CALCR: variants seen among roughly 807,000 people sequenced by gnomAD.
The protein encoded by CALCR is calcitonin receptor.
Under a neutral mutation model 59.5 loss-of-function variants are expected in CALCR, and 47 were observed. That is an observed-to-expected ratio of 0.79 (90% confidence interval 0.63 to 1.01). CALCR has a LOEUF of 1.01. Among genes scored for constraint, CALCR ranks in the 50% least tolerant of loss-of-function variants. CALCR has a pLI of 0.00. For missense variants in CALCR, 566 were observed against 597.1 expected, an observed-to-expected ratio of 0.95 and a Z score of 0.54; for synonymous variants, 213 against 211.3, an observed-to-expected ratio of 1.01 and a Z score of -0.07.
chr7:93,473,785 C>A (rs1800607852), intron 5 of CALCR, among the ~76,000 whole-genome samples: 1 of 151,564 alleles, frequency 6.6e-6, no homozygotes, highest in Non-Finnish European at 1.5e-5. Flanking sequence ...TTTCCAAGTG[C>A]TTGCTTTGTG....
intron 3 of CALCR, among the ~76,000 whole-genome samples, chr7:93,480,432 C>T (rs1039164003): frequency 2.0e-5 from 3 of 151,686 alleles, no homozygotes; most frequent in African/African-American, 7.3e-5. Flanking sequence ...ACTGACTTTC[C>T]TTTTTCTAAA....
chr7:93,449,326 G>A (rs1005635896), intron 8 of CALCR, among the ~76,000 whole-genome samples: 2 of 151,994 alleles, frequency 1.3e-5, no homozygotes, highest in East Asian at 3.9e-4. Context: ...TTACCTGAAG[G>A]AAAAGACATT....
chr7:93,571,869 C>T (rs905585280), intron 2 of CALCR, among the ~76,000 whole-genome samples: 9 of 152,022 alleles, frequency 5.9e-5, no homozygotes, highest in South Asian at 2.1e-4. Flanking sequence ...TCATTGGCAC[C>T]GGGTATATGG....
chr7:93,491,408 G>T (rs139238596), intron 2 of CALCR, among the ~76,000 whole-genome samples: 1,968 of 152,128 alleles, frequency 0.013, 46 homozygotes, highest in African/African-American at 0.044. Flanking sequence ...TGACAAATGG[G>T]ATCTAACTAA....
At chr7:93,560,909 T>C (rs1000555070) in intron 2 of CALCR, among the ~76,000 whole-genome samples, 4 of 152,200 alleles carry the variant, frequency 2.6e-5, no homozygotes, top group African/African-American at 9.6e-5. Flanking sequence ...ATCTGAGTTG[T>C]AGTTTTCTCA....
chr7:93,430,046 C>G (rs2282998), intron 13 of CALCR, among the ~76,000 whole-genome samples: 1 of 151,610 alleles, frequency 6.6e-6, no homozygotes, highest in South Asian at 2.1e-4. Flanking sequence ...ATTCTTCTGC[C>G]TCAGCCTCCC....
intron 7 of CALCR, among the ~76,000 whole-genome samples, chr7:93,465,013 C>T (rs1405295713): frequency 1.3e-5 from 2 of 151,834 alleles, no homozygotes; most frequent in South Asian, 2.1e-4. Flanking sequence ...GCCAATGTAA[C>T]GTAATGTAGA....
At chr7:93,556,469 A>G (rs1054304695) in intron 2 of CALCR, among the ~76,000 whole-genome samples, 1 of 152,052 alleles carries the variant, frequency 6.6e-6, no homozygotes, top group Non-Finnish European at 1.5e-5. Flanking sequence ...AAATTATGAA[A>G]TCTAAACTGG....
chr7:93,495,192 A>C (rs1442414518), intron 2 of CALCR, among the ~76,000 whole-genome samples: 2 of 151,396 alleles, frequency 1.3e-5, no homozygotes, highest in Admixed American at 6.6e-5. Context: ...TTGGAATGGA[A>C]ATAGGTGATA....
intron 2 of CALCR, among the ~76,000 whole-genome samples, chr7:93,542,414 G>A (rs1396355953): frequency 1.3e-5 from 2 of 152,130 alleles, no homozygotes; most frequent in African/African-American, 4.8e-5. Context: ...CCTGTGTAGG[G>A]CACTTATAAA....
chr7:93,559,747 T>G (rs1789700997), intron 2 of CALCR: 1 of 152,036 alleles, frequency 6.6e-6, no homozygotes, highest in African/African-American at 2.4e-5. Context: ...GCAAAAGAGA[T>G]TCTAAACATT....
At chr7:93,518,868 C>T (rs901484424) in intron 2 of CALCR, among the ~76,000 whole-genome samples, 16 of 149,746 alleles carry the variant, frequency 1.1e-4, no homozygotes, top group African/African-American at 3.7e-4. Context: ...CATACATTTA[C>T]ATTTACCAAG....
chr7:93,545,918 C>T (rs1375508485), intron 2 of CALCR, among the ~76,000 whole-genome samples: 1 of 151,878 alleles, frequency 6.6e-6, no homozygotes. Flanking sequence ...AAAGTAGGGG[C>T]TAAACAAGTG....
Position 93,500,983 on chromosome 7 carries a change from T to A in CALCR, c.-26-13976A>T, listed in dbSNP as rs1364836005. 2.0e-5 allele frequency among the ~76,000 whole-genome samples: 3 copies of A among 152,070 alleles called. No homozygotes were observed. In the East Asian group the frequency reaches 5.8e-4, roughly 29 times the overall value. ...CCATTTTCCTGAAATTTGAGTGCCC[T>A]TGGAAATTATCCTTTCTTCACAGCT... On this transcript the variant is annotated intron_variant, in intron 2 of 13. Transcript: ENST00000426151.
At chr7:93,507,227 G>A (rs1179635160) in intron 2 of CALCR, among the ~76,000 whole-genome samples, 2 of 130,062 alleles carry the variant, frequency 1.5e-5, no homozygotes, top group Non-Finnish European at 3.2e-5. Context: ...ATACTTCCTT[G>A]TTGAACACAC....
intron 2 of CALCR, among the ~76,000 whole-genome samples, chr7:93,573,088 G>A (rs936937882): frequency 3.3e-5 from 5 of 152,042 alleles, no homozygotes; most frequent in African/African-American, 1.2e-4. Context: ...AATCATCTTA[G>A]TTTCTCTCAT....
At chr7:93,477,109 C>A (rs1268261711) in intron 5 of CALCR, among the ~76,000 whole-genome samples, 1 of 151,836 alleles carries the variant, frequency 6.6e-6, no homozygotes, top group Non-Finnish European at 1.5e-5. Flanking sequence ...AGCCACTTAA[C>A]CCCTGTAGGC....
At chr7:93,477,506 A>G in intron 5 of CALCR, 52 bp downstream of exon 5, 1 of 1,283,728 alleles carries the variant, frequency 7.8e-7, no homozygotes, top group Non-Finnish European at 1.1e-6. Flanking sequence ...CAAAACCATG[A>G]AAACTCTAAA....
intron 2 of CALCR, among the ~76,000 whole-genome samples, chr7:93,527,806 T>A (rs1226479142): frequency 1.3e-5 from 2 of 152,172 alleles, no homozygotes; most frequent in Non-Finnish European, 2.9e-5. Context: ...AATTCTGTGC[T>A]CCATTATGTA....
Sources: allele counts gnomAD v4.1 joint callset (sites outside exome capture counted in the v4.1 genomes callset), GRCh38; gene constraint gnomAD v4.1.1; transcripts MANE v1.5; gene names NCBI Gene and HGNC (gene_info 2026-07-23, HGNC 2026-07-21).